Variants in DYNLT2B observed in about 807,000 individuals in gnomAD.
The protein encoded by DYNLT2B is dynein light chain Tctex-type protein 2B.
A neutral mutation model predicts 19.5 loss-of-function variants in DYNLT2B; 14 were observed. That is an observed-to-expected ratio of 0.72 (90% CI 0.47 to 1.12). DYNLT2B has a LOEUF of 1.12. Among genes scored for constraint, DYNLT2B ranks in the 50% most tolerant of loss-of-function variants. DYNLT2B has a pLI of 0.00. For synonymous variants in DYNLT2B, 70 were observed against 59.7 expected (o/e 1.17, Z -0.79); for missense variants, 133 against 174.7 (o/e 0.76, Z 1.35).
intron 1 of DYNLT2B, among the ~76,000 whole-genome samples, chr3:196,317,062 G>GTGT (rs1491454362): frequency 5.7e-5 from 3 of 52,220 alleles, no homozygotes; most frequent in Non-Finnish European, 1.1e-4. Context: ...GTGTGTGTGT[G>GTGT]GTGTGTGTGT....
At chr3:196,300,621 C>T (rs1249076395) in intron 3 of DYNLT2B, among the ~76,000 whole-genome samples, 1 of 148,884 alleles carries the variant, frequency 6.7e-6, no homozygotes, top group Non-Finnish European at 1.5e-5. Context: ...CCCGGTTACT[C>T]AGGAGGCTGA....
intron 3 of DYNLT2B, among the ~76,000 whole-genome samples, chr3:196,300,033 T>C (rs1284275029): frequency 6.6e-6 from 1 of 152,166 alleles, no homozygotes; most frequent in Non-Finnish European, 1.5e-5. Flanking sequence ...GAGTTGAAGA[T>C]GCTGTGCTGC....
intron 2 of DYNLT2B, among the ~76,000 whole-genome samples, chr3:196,310,853 A>G (rs1726620790): frequency 6.6e-6 from 1 of 152,036 alleles, no homozygotes; most frequent in South Asian, 2.1e-4. Context: ...CTCCTGCCTC[A>G]GCCTCCCAAG....
At chr3:196,313,275 G>A (rs1726688374) in intron 2 of DYNLT2B, among the ~76,000 whole-genome samples, 1 of 150,486 alleles carries the variant, frequency 6.6e-6, no homozygotes, top group African/African-American at 2.4e-5. Context: ...TTGGCTCACT[G>A]CAATCTCCGT....
At chr3:196,305,336 C>T (rs889048730) in intron 3 of DYNLT2B, among the ~76,000 whole-genome samples, 4 of 152,064 alleles carry the variant, frequency 2.6e-5, no homozygotes, top group Non-Finnish European at 4.4e-5. Context: ...CAACCTCAAA[C>T]CTATGGCTAA....
chr3:196,299,774 A>G (rs1053902264), intron 3 of DYNLT2B, among the ~76,000 whole-genome samples: 1 of 151,832 alleles, frequency 6.6e-6, no homozygotes, highest in African/African-American at 2.4e-5. Flanking sequence ...TACTAAAAAT[A>G]CAAAAAATTA....
chr3:196,304,873 TCTAC>T (rs766807142), intron 3 of DYNLT2B, among the ~76,000 whole-genome samples: 74 of 152,114 alleles, frequency 4.9e-4, no homozygotes, highest in Non-Finnish European at 7.9e-4. Context: ...TAAGCACTTA[TCTAC>T]CTACCTACCT....
intron 2 of DYNLT2B, among the ~76,000 whole-genome samples, chr3:196,313,872 C>T (rs574947984): frequency 1.3e-5 from 2 of 152,042 alleles, no homozygotes; most frequent in Non-Finnish European, 2.9e-5. Context: ...CCGAGGCGGA[C>T]GGATCACCTG....
chr3:196,315,151 G>T, intron 2 of DYNLT2B: 2 of 396,804 alleles, frequency 5.0e-6, no homozygotes, highest in South Asian at 1.8e-5. Context: ...ATGAGTAAAA[G>T]TCACCAAATA....
intron 4 of DYNLT2B, 90 bp from the exon 5 acceptor site, chr3:196,291,464 T>G: frequency 7.4e-7 from 1 of 1,359,114 alleles, no homozygotes; most frequent in Non-Finnish European, 1.0e-6. Flanking sequence ...ACTAACACCA[T>G]CTCAGATCTT....
intron 2 of DYNLT2B, among the ~76,000 whole-genome samples, chr3:196,309,412 T>A (rs982421218): frequency 3.9e-5 from 6 of 151,970 alleles, no homozygotes; most frequent in Non-Finnish European, 8.8e-5. Context: ...ATTACAGGCA[T>A]GAACCACCAC....
intron 2 of DYNLT2B, among the ~76,000 whole-genome samples, chr3:196,312,371 C>A (rs1001944530): frequency 6.6e-6 from 1 of 151,552 alleles, no homozygotes; most frequent in Non-Finnish European, 1.5e-5. Context: ...GATTTCTTGA[C>A]AACAAGTTAC....
At chr3:196,295,339 T>G (rs565589761) in intron 4 of DYNLT2B, among the ~76,000 whole-genome samples, 1 of 152,214 alleles carries the variant, frequency 6.6e-6, no homozygotes, top group African/African-American at 2.4e-5. Flanking sequence ...TTTTATATTT[T>G]TAGTAGAGAC....
chr3:196,316,304 C>T, intron 1 of DYNLT2B, 73 bp from the exon 2 acceptor site: 1 of 1,488,370 alleles, frequency 6.7e-7, no homozygotes, highest in Non-Finnish European at 9.0e-7. Flanking sequence ...CGCAACTTCT[C>T]CCATCTTTTT....
intron 3 of DYNLT2B, among the ~76,000 whole-genome samples, chr3:196,298,555 C>T (rs145626845): frequency 0.018 from 2,711 of 152,056 alleles, 96 homozygotes; most frequent in African/African-American, 0.063. Flanking sequence ...CTCAAGCAAT[C>T]GGCCCACCTC....
chr3:196,318,023 GC>G lies in DYNLT2B; in HGVS notation c.113+16del. ...GCGCGCTCGAGGTCGCCCCGCCACAGCCCGTCCTCTACCCGCCTCTGCTGGA... is the reference window on the plus strand; with the variant it reads ...GCGCGCTCGAGGTCGCCCCGCCACAGCCGTCCTCTACCCGCCTCTGCTGGA... On this transcript the variant is annotated intron_variant, in intron 1 of 4. Coordinates refer to ENST00000325318, the MANE Select transcript of DYNLT2B (RefSeq NM_152773.5). The G allele has an allele frequency of 2.0e-6, 3 of 1,464,750 alleles. No individual in the cohort carries two copies. The highest frequency in any genetic ancestry group is 9.1e-7 in the Non-Finnish European group (1 of 1,099,750). The allele number at this position is 1,464,750 out of a possible 1,614,324, so 90.7% of individuals were successfully genotyped here. A position where few individuals can be genotyped will look rare whatever the true frequency, so the allele number is the denominator to read the frequency against.
intron 3 of DYNLT2B, chr3:196,296,333 A>G (rs1206196672): frequency 8.2e-6 from 3 of 364,294 alleles, no homozygotes; most frequent in East Asian, 9.3e-5. Flanking sequence ...TGATGGCTAC[A>G]GGGATCAATA....
intron 2 of DYNLT2B, among the ~76,000 whole-genome samples, chr3:196,312,709 T>C (rs1218941860): frequency 6.6e-6 from 1 of 152,180 alleles, no homozygotes; most frequent in Non-Finnish European, 1.5e-5. Flanking sequence ...TCCACCCGGC[T>C]CCGCCTCCCA....
intron 3 of DYNLT2B, chr3:196,296,282 G>C (rs1292817749): frequency 4.1e-6 from 2 of 493,740 alleles, no homozygotes; most frequent in East Asian, 3.3e-5. Context: ...CTTGCAACTA[G>C]AGGTGACCAG....
Sources: gnomAD v4.1 joint callset for allele counts (sites outside exome capture counted in the v4.1 genomes callset) on GRCh38, gnomAD v4.1.1 for gene constraint, MANE v1.5 for transcripts, NCBI Gene and HGNC (gene_info 2026-07-23, HGNC 2026-07-21) for gene names.